The following ABCF1 variants were observed in gnomAD, a reference collection of about 807,000 sequenced individuals.
The protein encoded by ABCF1 is ATP binding cassette subfamily F member 1.
In ABCF1, 73 loss-of-function variants were observed where a neutral mutation model predicts 126.3. The ratio of observed to expected loss-of-function variants is 0.58; its 90% CI spans 0.48 to 0.70. ABCF1 has a LOEUF of 0.70. ABCF1 is among the 30% of genes least tolerant of loss of function. ABCF1 has a pLI of 0.00. For synonymous variants in ABCF1, 345 were observed against 396.4 expected, an observed-to-expected ratio of 0.87 and a Z score of 1.54; for missense variants, 786 against 1,057.5, an observed-to-expected ratio of 0.74 and a Z score of 3.56.
rs369990817 is a variant in ABCF1 at position 30,582,439 on chromosome 6, G to A, written c.724G>A (p.Gly242Arg). 2.5e-6 allele frequency: 4 copies of A among 1,612,800 alleles called. No individual in the cohort carries two copies. The highest frequency in any genetic ancestry group is 3.4e-6 in the Non-Finnish European group (4 of 1,179,822). The part of the protein sequence containing the change: ...GEGEEEEEEG[G>R]ESKADDPYAH... ...AGGGGAAGAAGAGGAGGAGGAAGGA[G>A]GAGAGTCTAAGGCAGATGATCCCTA... Residue 242 changes from glycine to arginine, a missense_variant, in exon 9 of 25, where the codon GGA (glycine) becomes AGA (arginine). Coordinates refer to ENST00000326195, the MANE Select transcript of ABCF1 (RefSeq NM_001025091.2).
chr6:30,589,537 A>G, intron 20 of ABCF1, 151 bp from the exon 21 acceptor site: 1 of 808,644 alleles, frequency 1.2e-6, no homozygotes, highest in South Asian at 1.8e-5. Flanking sequence ...CGGAAGGTGG[A>G]GGTTGCAGTG....
At position 30,587,249 on chromosome 6, in the gene ABCF1, CAAA is replaced by C. The variant is rs9278735; in HGVS notation, c.2031+553_2031+555del. Among the ~76,000 whole-genome samples the C allele has an allele frequency of 4.6e-3, 646 of 139,158 alleles. 2 individuals are homozygous for C. Among genetic ancestry groups the C allele is most frequent in the African/African-American group, 0.012 (462 of 37,930 alleles). 91.3% of individuals were successfully genotyped at this position (139,158 alleles called of 152,430 possible). A position where few individuals can be genotyped will look rare whatever the true frequency, so the allele number is the denominator to read the frequency against. On this transcript the variant is annotated intron_variant, in intron 20 of 24. Coordinates refer to ENST00000326195, the MANE Select transcript of ABCF1 (RefSeq NM_001025091.2). ...TGGGCAACAGAGCGAGACTCCATCT[CAAA>C]AAAAAAAAAAAAAATTGGCCTGGCG...
chr6:30,575,756 G>GCCTATAGGTTTTACAAA (rs982759481), intron 1 of ABCF1, among the ~76,000 whole-genome samples: 1 of 152,076 alleles, frequency 6.6e-6, no homozygotes, highest in African/African-American at 2.4e-5. Flanking sequence ...TATTTACATG[G>GCCTATAGGTTTTACAAA]CCTATAGGTT....
At chr6:30,579,237 G>A (rs1027046017) in intron 6 of ABCF1, among the ~76,000 whole-genome samples, 1 of 152,120 alleles carries the variant, frequency 6.6e-6, no homozygotes, top group Admixed American at 6.6e-5. Context: ...CCTTGCTGAC[G>A]TTCCCTAGTT....
Position 30,585,786 on chromosome 6 carries a change from C to T in ABCF1, c.1601-93C>T, listed in dbSNP as rs947392562. 6 of 1,563,940 alleles carry T rather than the reference C, an allele frequency of 3.8e-6. No homozygotes were observed. In the African/African-American group the frequency reaches 8.1e-5, roughly 21 times the overall value. ...AACTGAATCCTGTCAGAATTCCAGA[C>T]AGTGATGCCTACCCCATCACCACCA... On this transcript the variant is annotated intron_variant, in intron 16 of 24. Transcript: ENST00000326195.
intron 20 of ABCF1, among the ~76,000 whole-genome samples, chr6:30,587,897 G>GT (rs558653432): frequency 0.02 from 2,867 of 141,738 alleles, 52 homozygotes; most frequent in African/African-American, 0.043. Context: ...GAGATAACCA[G>GT]TTTTTTTTTT....
At chr6:30,577,524 A>T in intron 2 of ABCF1, 69 bp downstream of exon 2, 2 of 1,570,856 alleles carry the variant, frequency 1.3e-6, no homozygotes, top group South Asian at 2.3e-5. Flanking sequence ...TAGCCATGTG[A>T]AGGAGGTGGG....
chr6:30,590,423 C>T (rs1180197358), intron 24 of ABCF1, 45 bp downstream of exon 24: 1 of 1,582,378 alleles, frequency 6.3e-7, no homozygotes, highest in Non-Finnish European at 8.6e-7. Flanking sequence ...CCATGGGGAC[C>T]AAGCTGTAGT....
chr6:30,589,578 G>A (rs1314387491), intron 20 of ABCF1, 110 bp from the exon 21 acceptor site: 12 of 1,307,302 alleles, frequency 9.2e-6, no homozygotes, highest in East Asian at 4.7e-5. Context: ...ACTCCAGCCT[G>A]GGGGACAGAG....
chr6:30,577,329 C>T lies in ABCF1; in HGVS notation c.74-80C>T. 6.0e-6 allele frequency: 8 copies of T among 1,326,628 alleles called. No homozygotes were observed. In the South Asian group the frequency reaches 8.8e-5, roughly 15 times the overall value. 82.2% of individuals were successfully genotyped at this position (1,326,628 alleles called of 1,614,324 possible). A position where few individuals can be genotyped will look rare whatever the true frequency, so the allele number is the denominator to read the frequency against. On this transcript the variant is annotated intron_variant, in intron 1 of 24. Transcript: ENST00000326195. Reference sequence around the variant, plus strand: ...GAAAAATAATAAAATAGGATAGAGGCTACAGAGATCTTTGCAGGGGGGATC... The same window carrying T: ...GAAAAATAATAAAATAGGATAGAGGTTACAGAGATCTTTGCAGGGGGGATC...
rs747172483 is a variant in ABCF1 at position 30,583,935 on chromosome 6, G to T, written c.1102+45G>T. ...AAGGGGCTTGGTGGGGTGGGCAGTTGGGTAGAAAAGCCAGCCAGCCAAGAA... is the reference window on the plus strand; with the variant it reads ...AAGGGGCTTGGTGGGGTGGGCAGTTTGGTAGAAAAGCCAGCCAGCCAAGAA... On this transcript the variant is annotated intron_variant, in intron 12 of 24. Coordinates refer to ENST00000326195, the MANE Select transcript of ABCF1 (RefSeq NM_001025091.2). The surrounding 1 kb of genome is among the most constrained non-coding windows in gnomAD (Gnocchi z 4.1). 1 of 1,595,672 alleles carries T rather than the reference G, an allele frequency of 6.3e-7. No individual in the cohort carries two copies. The highest frequency in any genetic ancestry group is 1.3e-5 in the African/African-American group (1 of 74,590).
At chr6:30,572,662 C>T (rs925042299) in intron 1 of ABCF1, among the ~76,000 whole-genome samples, 1 of 152,054 alleles carries the variant, frequency 6.6e-6, no homozygotes, top group African/African-American at 2.4e-5. Context: ...CACCACCACA[C>T]CTTATTTTTA....
rs889464113 is a variant in ABCF1 at position 30,583,982 on chromosome 6, A to G, written c.1102+92A>G. 6 of 1,499,162 alleles carry G rather than the reference A, an allele frequency of 4.0e-6. No homozygotes were observed. Among genetic ancestry groups the G allele is most frequent in the African/African-American group, 1.4e-5 (1 of 72,386 alleles). The allele number at this position is 1,499,162 out of a possible 1,614,324, so 92.9% of individuals were successfully genotyped here. A position where few individuals can be genotyped will look rare whatever the true frequency, so the allele number is the denominator to read the frequency against. The stretch of plus-strand genomic sequence containing the variant: ...AGAATAGAAGAAATTGTGGCTATGG[A>G]GTTGGAAGGGATGTGGAGGGAGACT... On this transcript the variant is annotated intron_variant, in intron 12 of 24. Coordinates refer to ENST00000326195, the MANE Select transcript of ABCF1 (RefSeq NM_001025091.2). The surrounding 1 kb of genome is among the most constrained non-coding windows in gnomAD (Gnocchi z 4.1).
At chr6:30,577,275 C>T in intron 1 of ABCF1, 134 bp from the exon 2 acceptor site, 1 of 780,324 alleles carries the variant, frequency 1.3e-6, no homozygotes, top group Non-Finnish European at 2.0e-6. Context: ...TGAGACAGTA[C>T]AAATATTTAA....
chr6:30,577,514 T>G, intron 2 of ABCF1, 59 bp downstream of exon 2: 1 of 1,585,810 alleles, frequency 6.3e-7, no homozygotes, highest in Non-Finnish European at 8.6e-7. Context: ...GCTAAATAAA[T>G]AGCCATGTGA....
chr6:30,579,843 A>G (rs1801711338), intron 6 of ABCF1, 88 bp from the exon 7 acceptor site: 1 of 1,332,140 alleles, frequency 7.5e-7, no homozygotes, highest in Non-Finnish European at 1.0e-6. Context: ...TGGTTAACAC[A>G]GTAGACTCTC....
intron 15 of ABCF1, 80 bp from the exon 16 acceptor site, chr6:30,585,478 C>T: frequency 1.9e-6 from 3 of 1,596,226 alleles, no homozygotes; most frequent in South Asian, 1.1e-5. Flanking sequence ...TCCCTCCCAG[C>T]CCCCGTTGTC....
chr6:30,586,427 T>C lies in ABCF1; in HGVS notation c.1886-47T>C. ...CAAGGCCAGCACATGAGAGGGACTT[T>C]GCAGGGACTGAAAAGAATATAAATT... On this transcript the variant is annotated intron_variant, in intron 18 of 24. Coordinates refer to ENST00000326195, the MANE Select transcript of ABCF1 (RefSeq NM_001025091.2). This position sits in a 1 kb window ranked among gnomAD's most constrained non-coding sequence, Gnocchi z 4.9. The C allele has an allele frequency of 1.9e-6, 3 of 1,612,476 alleles. No individual in the cohort carries two copies. The highest frequency in any genetic ancestry group is 1.3e-5 in the African/African-American group (1 of 75,026).
intron 6 of ABCF1, 138 bp downstream of exon 6, chr6:30,578,715 G>A: frequency 1.2e-6 from 1 of 865,436 alleles, no homozygotes; most frequent in Non-Finnish European, 1.8e-6. Context: ...TAGAATACAT[G>A]CCCAGGCTGG....
Sources: gnomAD v4.1 joint callset for allele counts (sites outside exome capture counted in the v4.1 genomes callset) on GRCh38, gnomAD v4.1.1 for gene constraint, Gnocchi (gnomAD v3.1) non-coding constraint, MANE v1.5 for transcripts, NCBI Gene and HGNC (gene_info 2026-07-23, HGNC 2026-07-21) for gene names.